The following NLGN1 variants were observed in gnomAD, a reference collection of about 807,000 sequenced individuals.
The protein encoded by NLGN1 is neuroligin 1.
Under a neutral mutation model 65.5 loss-of-function variants are expected in NLGN1, and 12 were observed. The ratio of observed to expected loss-of-function variants is 0.18; its 90% CI spans 0.12 to 0.30. NLGN1 has a LOEUF of 0.30. NLGN1 is among the 10% of genes least tolerant of loss of function. The probability of loss-of-function intolerance (pLI) is 1.00; values close to 1 mark genes in which losing one functional copy is unlikely to be tolerated. For synonymous variants in NLGN1, 350 were observed against 359.5 expected, an observed-to-expected ratio of 0.97 and a Z score of 0.30; for missense variants, 750 against 1,007.1, an observed-to-expected ratio of 0.74 and a Z score of 3.46.
chr3:174,040,230 A>C (rs1460479299), intron 4 of NLGN1, among the ~76,000 whole-genome samples: 2 of 151,990 alleles, frequency 1.3e-5, no homozygotes, highest in Non-Finnish European at 2.9e-5. Flanking sequence ...TGCTCACCAC[A>C]TGTCTTCTGA....
intron 3 of NLGN1, among the ~76,000 whole-genome samples, chr3:173,802,434 G>A (rs777900749): frequency 2.0e-5 from 3 of 152,006 alleles, no homozygotes; most frequent in African/African-American, 4.8e-5. Context: ...ATTCCAGTTC[G>A]GTCTCTTCCT....
intron 2 of NLGN1, among the ~76,000 whole-genome samples, chr3:173,443,011 C>G (rs941679245): frequency 6.6e-6 from 1 of 151,924 alleles, no homozygotes; most frequent in African/African-American, 2.4e-5. Context: ...TATAATAGAA[C>G]ACTTGTGTCA....
intron 2 of NLGN1, among the ~76,000 whole-genome samples, chr3:173,594,638 T>C (rs896934810): frequency 6.6e-6 from 1 of 152,230 alleles, no homozygotes; most frequent in Non-Finnish European, 1.5e-5. Flanking sequence ...GTTTCCCCAG[T>C]AGGGACTCTG....
intron 4 of NLGN1, among the ~76,000 whole-genome samples, chr3:174,255,026 G>A (rs913635737): frequency 1.1e-4 from 17 of 152,168 alleles, no homozygotes; most frequent in African/African-American, 3.9e-4. Flanking sequence ...TAGGGATGGT[G>A]TTAAACAAAT....
At chr3:173,671,344 A>G (rs564156831) in intron 3 of NLGN1, among the ~76,000 whole-genome samples, 2 of 152,132 alleles carry the variant, frequency 1.3e-5, no homozygotes, top group Non-Finnish European at 2.9e-5. Context: ...TACATGAAAT[A>G]TAAAAAATTA....
At chr3:173,475,973 CTTT>C (rs1159212396) in intron 2 of NLGN1, among the ~76,000 whole-genome samples, 2 of 152,168 alleles carry the variant, frequency 1.3e-5, no homozygotes, top group African/African-American at 2.4e-5. Context: ...TCATTTTCTT[CTTT>C]AAGAAATTAT....
intron 4 of NLGN1, among the ~76,000 whole-genome samples, chr3:174,014,293 C>G (rs1726118049): frequency 6.6e-6 from 1 of 152,058 alleles, no homozygotes; most frequent in Non-Finnish European, 1.5e-5. Flanking sequence ...TTTTTTCTTA[C>G]ACAATAAACT....
intron 3 of NLGN1, among the ~76,000 whole-genome samples, chr3:173,656,016 G>C (rs1411240272): frequency 6.6e-6 from 1 of 152,052 alleles, no homozygotes; most frequent in Non-Finnish European, 1.5e-5. Context: ...ATTTTTTGGG[G>C]GTTTAAATAT....
chr3:173,695,799 C>T (rs920367078), intron 3 of NLGN1, among the ~76,000 whole-genome samples: 3 of 152,106 alleles, frequency 2.0e-5, no homozygotes, highest in African/African-American at 7.2e-5. Flanking sequence ...GAATAATACT[C>T]ATATCATGGA....
intron 4 of NLGN1, among the ~76,000 whole-genome samples, chr3:173,935,593 TACACAC>T (rs769538665): frequency 4.2e-5 from 6 of 142,804 alleles, no homozygotes; most frequent in African/African-American, 1.3e-4. Context: ...ATATACAGTC[TACACAC>T]ACACACACAC....
chr3:173,922,488 G>C (rs774551955), intron 4 of NLGN1, among the ~76,000 whole-genome samples: 2 of 151,704 alleles, frequency 1.3e-5, no homozygotes, highest in Non-Finnish European at 2.9e-5. Flanking sequence ...TTTTTCCTAG[G>C]AAATAAAAAC....
In NLGN1 at chr3:173,884,907, GC is replaced by G. The variant is rs1316871190; in HGVS notation, c.646+77077del. 2.6e-5 allele frequency among the ~76,000 whole-genome samples: 4 copies of G among 152,156 alleles called. No individual in the cohort carries two copies. The East Asian group carries it at 7.7e-4, about 29-fold the overall frequency. The stretch of plus-strand genomic sequence containing the variant: ...CCTTGTTGAGATAGCCTCTGAAGAG[GC>G]CAAATGCTGCGTCCTCACATGGCCA... On this transcript the variant is annotated intron_variant, in intron 4 of 6. Coordinates refer to ENST00000457714, the Ensembl canonical transcript of NLGN1.
intron 4 of NLGN1, among the ~76,000 whole-genome samples, chr3:174,232,345 A>T (rs937896847): frequency 1.3e-5 from 2 of 152,100 alleles, no homozygotes; most frequent in African/African-American, 4.8e-5. Flanking sequence ...TTTGTGGTGG[A>T]ATGTCATCAG....
chr3:173,645,491 C>G (rs1398527516), intron 3 of NLGN1, among the ~76,000 whole-genome samples: 1 of 152,208 alleles, frequency 6.6e-6, no homozygotes, highest in Non-Finnish European at 1.5e-5. Flanking sequence ...CTTCCCAACT[C>G]TTGGTCTAGT....
intron 4 of NLGN1, among the ~76,000 whole-genome samples, chr3:173,955,343 G>A (rs1711734213): frequency 6.6e-6 from 1 of 152,142 alleles, no homozygotes; most frequent in Admixed American, 6.6e-5. Context: ...AGAATTGTGT[G>A]TGGCATTTAG....
intron 4 of NLGN1, among the ~76,000 whole-genome samples, chr3:173,835,495 C>T (rs552691855): frequency 1.3e-5 from 2 of 151,050 alleles, no homozygotes; most frequent in South Asian, 4.2e-4. Flanking sequence ...AGTAATATTT[C>T]ATGTTTAATA....
At chr3:174,031,348 A>T (rs1729980199) in intron 4 of NLGN1, among the ~76,000 whole-genome samples, 1 of 152,160 alleles carries the variant, frequency 6.6e-6, no homozygotes, top group African/African-American at 2.4e-5. Context: ...GCCCATCCTA[A>T]AGAGAAGCCC....
Position 174,248,960 on chromosome 3 carries a change from C to T in NLGN1, c.647-26355C>T, listed in dbSNP as rs539926959. 2.5e-3 allele frequency among the ~76,000 whole-genome samples: 382 copies of T among 152,300 alleles called. 1 individual carries two copies. The highest frequency in any genetic ancestry group is 8.8e-3 in the African/African-American group (365 of 41,568). On this transcript the variant is annotated intron_variant, in intron 4 of 6. Coordinates refer to ENST00000457714, the Ensembl canonical transcript of NLGN1. ...TGCTTCTCTGCTTCCTACTCTGTGGCTTCCCCACATCCAGGAAATCTGCGA... is the reference window on the plus strand; with the variant it reads ...TGCTTCTCTGCTTCCTACTCTGTGGTTTCCCCACATCCAGGAAATCTGCGA...
intron 3 of NLGN1, among the ~76,000 whole-genome samples, chr3:173,655,688 C>T (rs1759895874): frequency 6.6e-6 from 1 of 151,642 alleles, no homozygotes; most frequent in Non-Finnish European, 1.5e-5. Context: ...ATACTTTGTA[C>T]CCTACCTACA....
Sources: allele counts gnomAD v4.1 joint callset (sites outside exome capture counted in the v4.1 genomes callset), GRCh38; gene constraint gnomAD v4.1.1; transcripts MANE v1.5; gene names NCBI Gene and HGNC (gene_info 2026-07-23, HGNC 2026-07-21).